The following GABRB2 variants were observed in gnomAD, a reference collection of about 807,000 sequenced individuals.
GABRB2 encodes gamma-aminobutyric acid type A receptor subunit beta2.
In GABRB2, 16 loss-of-function variants were observed where a neutral mutation model predicts 54.7. The ratio of observed to expected loss-of-function variants is 0.29; its 90% CI spans 0.20 to 0.44. The LOEUF (loss-of-function observed/expected upper bound fraction) is 0.44. Ranked by LOEUF, GABRB2 falls within the 20% of genes least tolerant of loss-of-function variation. The pLI is 1.00. For missense variants in GABRB2, 355 were observed against 644.0 expected, an observed-to-expected ratio of 0.55 and a Z score of 4.86; for synonymous variants, 244 against 233.8, an observed-to-expected ratio of 1.04 and a Z score of -0.40.
chr5:161,426,378 G>C (rs1378448704), intron 4 of GABRB2, among the ~76,000 whole-genome samples: 1 of 151,968 alleles, frequency 6.6e-6, no homozygotes, highest in African/African-American at 2.4e-5. Context: ...AGTTCTAAAG[G>C]GTCGACTGGG....
At position 161,294,346 on chromosome 5, in the gene GABRB2, C is replaced by G. The variant is rs2113333823; in HGVS notation, c.1274G>C (p.Gly425Ala). The G allele has an allele frequency of 6.2e-7, 1 of 1,614,122 alleles. No homozygotes were observed. The highest frequency in any genetic ancestry group is 2.2e-5 in the East Asian group (1 of 44,872). ...GGCTAGCATTGTGCTTCTGGGGTCTCCAAGTCCCATCACAGCCTCAGATGT... is the reference window on the plus strand; with the variant it reads ...GGCTAGCATTGTGCTTCTGGGGTCTGCAAGTCCCATCACAGCCTCAGATGT... ...MATSEAVMGL[G>A]DPRSTMLAYD... is the part of the protein sequence containing the mutation. The change falls in exon 10 of 10, where the codon GGA becomes GCA. Residue 425 changes from glycine to alanine, a missense_variant. Gly to Ala is a moderately conservative substitution (Grantham distance 60). Coordinates refer to ENST00000393959, the MANE Select transcript of GABRB2 (RefSeq NM_001371727.1).
intron 5 of GABRB2, among the ~76,000 whole-genome samples, chr5:161,340,332 T>G (rs1754121686): frequency 2.0e-5 from 3 of 152,030 alleles, no homozygotes; most frequent in Admixed American, 2.0e-4. Flanking sequence ...AATAAAACAA[T>G]TATTTAATGC....
intron 3 of GABRB2, among the ~76,000 whole-genome samples, chr5:161,499,052 C>G (rs1188542290): frequency 6.6e-6 from 1 of 152,066 alleles, no homozygotes; most frequent in Non-Finnish European, 1.5e-5. Context: ...TGTTTGATCA[C>G]CAATAAATAG....
intron 9 of GABRB2, among the ~76,000 whole-genome samples, chr5:161,310,999 A>T (rs1411083995): frequency 2.0e-5 from 3 of 152,068 alleles, no homozygotes; most frequent in Non-Finnish European, 2.9e-5. Context: ...TCACCTCGTG[A>T]TCTGCCCGCC....
At chr5:161,537,931 T>C (rs1183152771) in intron 3 of GABRB2, among the ~76,000 whole-genome samples, 1 of 151,950 alleles carries the variant, frequency 6.6e-6, no homozygotes, top group East Asian at 1.9e-4. Flanking sequence ...CACCCTCCTC[T>C]ATGTTATTCT....
intron 3 of GABRB2, among the ~76,000 whole-genome samples, chr5:161,543,662 C>T (rs983438854): frequency 3.3e-5 from 5 of 152,118 alleles, no homozygotes; most frequent in Admixed American, 6.5e-5. Context: ...ATTCACATTC[C>T]TGAGACATAA....
chr5:161,349,691 C>T lies in GABRB2; in HGVS notation c.542-12922G>A, dbSNP rs80205106. 2.4e-3 allele frequency among the ~76,000 whole-genome samples: 369 copies of T among 152,166 alleles called. 2 individuals carry two copies. The highest frequency in any genetic ancestry group is 7.9e-3 in the African/African-American group (328 of 41,538). ...TTGTAAACTGCCCCATGGAGAGACT[C>T]GCATGGTGGGAAACTGAGGGAGCTC... On this transcript the variant is annotated intron_variant, in intron 5 of 9. Coordinates refer to ENST00000393959, the MANE Select transcript of GABRB2 (RefSeq NM_001371727.1).
intron 3 of GABRB2, among the ~76,000 whole-genome samples, chr5:161,515,636 A>G (rs1397113465): frequency 6.6e-6 from 1 of 152,232 alleles, no homozygotes; most frequent in Non-Finnish European, 1.5e-5. Flanking sequence ...TGTTAGAGTT[A>G]AAGGTTAGAA....
intron 9 of GABRB2, among the ~76,000 whole-genome samples, chr5:161,308,399 A>G (rs1757763796): frequency 6.6e-6 from 1 of 152,232 alleles, no homozygotes; most frequent in Admixed American, 6.5e-5. Flanking sequence ...GGATAGGAAG[A>G]ATCAATATCA....
intron 3 of GABRB2, among the ~76,000 whole-genome samples, chr5:161,517,588 T>C (rs1262837785): frequency 2.6e-5 from 4 of 152,162 alleles, no homozygotes; most frequent in Non-Finnish European, 5.9e-5. Context: ...GTAAACACTC[T>C]CTACAGATAC....
chr5:161,324,906 A>G (rs954972626), intron 9 of GABRB2, among the ~76,000 whole-genome samples: 2 of 152,102 alleles, frequency 1.3e-5, no homozygotes, highest in African/African-American at 4.8e-5. Context: ...TTAACAAATT[A>G]GTGTTCAAAT....
At chr5:161,450,816 C>A (rs991497465) in intron 4 of GABRB2, among the ~76,000 whole-genome samples, 23 of 152,026 alleles carry the variant, frequency 1.5e-4, no homozygotes, top group African/African-American at 5.6e-4. Context: ...AAGGTAATTG[C>A]AGTTCTTTAA....
chr5:161,472,168 A>C (rs773097006), intron 3 of GABRB2, among the ~76,000 whole-genome samples: 5 of 151,758 alleles, frequency 3.3e-5, no homozygotes, highest in Non-Finnish European at 5.9e-5. Context: ...AATGTTTGTT[A>C]TTATTATTAA....
chr5:161,469,577 C>T (rs1328992215), intron 3 of GABRB2, among the ~76,000 whole-genome samples: 1 of 151,944 alleles, frequency 6.6e-6, no homozygotes, highest in East Asian at 1.9e-4. Flanking sequence ...TAACTTCAGT[C>T]TTCTTCACCT....
chr5:161,423,491 A>G (rs1401761476), intron 4 of GABRB2, among the ~76,000 whole-genome samples: 3 of 152,010 alleles, frequency 2.0e-5, no homozygotes, highest in Non-Finnish European at 4.4e-5. Flanking sequence ...AAACTTTTCA[A>G]TTTTTATTAT....
chr5:161,430,193 C>G (rs186800885), intron 4 of GABRB2, among the ~76,000 whole-genome samples: 1 of 152,008 alleles, frequency 6.6e-6, no homozygotes, highest in African/African-American at 2.4e-5. Flanking sequence ...CTCTACCCAA[C>G]ACCAAACTAA....
At chr5:161,365,237 A>T (rs1754940059) in intron 5 of GABRB2, among the ~76,000 whole-genome samples, 1 of 152,186 alleles carries the variant, frequency 6.6e-6, no homozygotes, top group Non-Finnish European at 1.5e-5. Flanking sequence ...CAAGGTGTCA[A>T]TGTCAATAAA....
At chr5:161,452,809 C>T (rs1014870038) in intron 4 of GABRB2, among the ~76,000 whole-genome samples, 1 of 152,076 alleles carries the variant, frequency 6.6e-6, no homozygotes, top group African/African-American at 2.4e-5. Flanking sequence ...GCCTGGGTAA[C>T]AAGGCGAAAC....
chr5:161,525,579 A>T (rs910723541), intron 3 of GABRB2, among the ~76,000 whole-genome samples: 10 of 151,422 alleles, frequency 6.6e-5, no homozygotes, highest in African/African-American at 2.4e-4. Flanking sequence ...ATATACTTTA[A>T]TATGAAAACA....
Sources: gnomAD v4.1 joint callset for allele counts (sites outside exome capture counted in the v4.1 genomes callset) on GRCh38, gnomAD v4.1.1 for gene constraint, MANE v1.5 for transcripts, NCBI Gene and HGNC (gene_info 2026-07-23, HGNC 2026-07-21) for gene names.